The following NR3C2 variants were observed in gnomAD, a reference collection of about 807,000 sequenced individuals.
NR3C2 encodes the protein nuclear receptor subfamily 3 group C member 2.
NR3C2 carries 15 observed loss-of-function variants against 86.4 expected under a neutral mutation model. The ratio of observed to expected loss-of-function variants is 0.17; its 90% CI spans 0.12 to 0.27. NR3C2 has a LOEUF of 0.27. Ranked by LOEUF, NR3C2 falls within the 10% of genes least tolerant of loss-of-function variation. The pLI is 1.00. For synonymous variants in NR3C2, 458 were observed against 450.5 expected (o/e 1.02, Z -0.21); for missense variants, 960 against 1,195.6 (o/e 0.80, Z 2.91).
intron 2 of NR3C2, among the ~76,000 whole-genome samples, chr4:148,261,952 C>T (rs1308926732): frequency 2.0e-5 from 3 of 152,196 alleles, no homozygotes; most frequent in Non-Finnish European, 2.9e-5. Flanking sequence ...AAATAATGTT[C>T]TCCAAAGTTG....
intron 2 of NR3C2, among the ~76,000 whole-genome samples, chr4:148,313,273 TC>T (rs1742994805): frequency 1.3e-5 from 2 of 152,060 alleles, no homozygotes; most frequent in African/African-American, 4.8e-5. Flanking sequence ...ACATACTGAG[TC>T]CCGAAAAACT....
At chr4:148,161,398 G>C (rs1734653610) in intron 4 of NR3C2, among the ~76,000 whole-genome samples, 1 of 151,624 alleles carries the variant, frequency 6.6e-6, no homozygotes. Context: ...TGCCCAGGGT[G>C]GAGTGCAGTG....
chr4:148,355,636 C>T (rs1745516486), intron 2 of NR3C2, among the ~76,000 whole-genome samples: 1 of 152,160 alleles, frequency 6.6e-6, no homozygotes, highest in Non-Finnish European at 1.5e-5. Context: ...CTCTCATCCC[C>T]TACAGGAAGG....
chr4:148,324,984 T>C (rs1743879730), intron 2 of NR3C2, among the ~76,000 whole-genome samples: 1 of 152,154 alleles, frequency 6.6e-6, no homozygotes, highest in Admixed American at 6.5e-5. Context: ...AAAACCAATA[T>C]CATATTAGAG....
At chr4:148,348,221 G>A (rs1483668348) in intron 2 of NR3C2, among the ~76,000 whole-genome samples, 2 of 151,988 alleles carry the variant, frequency 1.3e-5, no homozygotes, top group Non-Finnish European at 2.9e-5. Context: ...TCACTTGGTT[G>A]GGGATTTAAG....
intron 1 of NR3C2, among the ~76,000 whole-genome samples, chr4:148,439,649 GAAATTTCCCTA>G (rs1279659736): frequency 6.6e-6 from 1 of 152,122 alleles, no homozygotes; most frequent in Non-Finnish European, 1.5e-5. Flanking sequence ...TGGCTTTTTT[GAAATTTCCCTA>G]TATAAATTTG....
intron 4 of NR3C2, among the ~76,000 whole-genome samples, chr4:148,161,356 T>C (rs1484392270): frequency 1.5e-5 from 2 of 135,826 alleles, no homozygotes; most frequent in African/African-American, 6.5e-5. Flanking sequence ...TATATTACAC[T>C]TTTTTTTTTT....
chr4:148,412,113 T>C (rs1748736216), intron 2 of NR3C2, among the ~76,000 whole-genome samples: 1 of 152,092 alleles, frequency 6.6e-6, no homozygotes, highest in African/African-American at 2.4e-5. Flanking sequence ...ATCACACCTG[T>C]CTCCTGGGGT....
chr4:148,333,932 T>G (rs1744355623), intron 2 of NR3C2, among the ~76,000 whole-genome samples: 1 of 152,244 alleles, frequency 6.6e-6, no homozygotes, highest in Admixed American at 6.5e-5. Flanking sequence ...ATGTTATTTC[T>G]ACTTTCAATT....
chr4:148,165,159 A>G (rs186994432), intron 4 of NR3C2, among the ~76,000 whole-genome samples: 2 of 152,356 alleles, frequency 1.3e-5, no homozygotes, highest in East Asian at 3.9e-4. Context: ...ACTATAATAC[A>G]TGTACATTTG....
intron 4 of NR3C2, among the ~76,000 whole-genome samples, chr4:148,190,378 C>A (rs1736138801): frequency 6.6e-6 from 1 of 152,116 alleles, no homozygotes; most frequent in Non-Finnish European, 1.5e-5. Context: ...CAATTTTATT[C>A]CACTGTGGTC....
chr4:148,243,298 G>A (rs1739155287), intron 3 of NR3C2, among the ~76,000 whole-genome samples: 1 of 151,974 alleles, frequency 6.6e-6, no homozygotes, highest in Admixed American at 6.6e-5. Flanking sequence ...CAAAGCACGG[G>A]GATTACAGGT....
At chr4:148,263,202 C>T (rs549372995) in intron 2 of NR3C2, among the ~76,000 whole-genome samples, 37 of 152,312 alleles carry the variant, frequency 2.4e-4, no homozygotes, top group African/African-American at 8.4e-4. Context: ...ACCTCTACCC[C>T]GTGTTCCAAT....
At chr4:148,192,774 T>C (rs1736259001) in intron 4 of NR3C2, among the ~76,000 whole-genome samples, 1 of 151,950 alleles carries the variant, frequency 6.6e-6, no homozygotes, top group African/African-American at 2.4e-5. Context: ...AAGCCGGCAG[T>C]CACAGGCCTC....
At chr4:148,249,690 T>A (rs1347867578) in intron 3 of NR3C2, among the ~76,000 whole-genome samples, 3 of 152,222 alleles carry the variant, frequency 2.0e-5, no homozygotes, top group Non-Finnish European at 4.4e-5. Flanking sequence ...TACATTTCTC[T>A]CTCTTCCTTG....
chr4:148,351,278 T>C (rs964399150), intron 2 of NR3C2, among the ~76,000 whole-genome samples: 2 of 152,140 alleles, frequency 1.3e-5, no homozygotes, highest in African/African-American at 4.8e-5. Context: ...CCCAAGTAGC[T>C]GGGATTACAG....
intron 2 of NR3C2, among the ~76,000 whole-genome samples, chr4:148,289,613 C>T (rs1254011286): frequency 3.3e-5 from 5 of 152,054 alleles, no homozygotes; most frequent in Non-Finnish European, 7.4e-5. Context: ...AACAACATAC[C>T]TTAGACTGGG....
At chr4:148,102,842 T>C (rs1731600006) in intron 8 of NR3C2, among the ~76,000 whole-genome samples, 1 of 151,960 alleles carries the variant, frequency 6.6e-6, no homozygotes, top group African/African-American at 2.4e-5. Flanking sequence ...GGAGACTCAT[T>C]TTCCATTTTA....
chr4:148,112,996 T>A (rs1469343652), intron 8 of NR3C2, among the ~76,000 whole-genome samples: 1 of 152,204 alleles, frequency 6.6e-6, no homozygotes, highest in Non-Finnish European at 1.5e-5. Context: ...TTCACAAATA[T>A]GAAGAACTAA....
Sources: allele counts gnomAD v4.1 joint callset (sites outside exome capture counted in the v4.1 genomes callset), GRCh38; gene constraint gnomAD v4.1.1; transcripts MANE v1.5; gene names NCBI Gene and HGNC (gene_info 2026-07-23, HGNC 2026-07-21).